The following IGF1R variants were observed in gnomAD, a reference collection of about 807,000 sequenced individuals.
The protein encoded by IGF1R is insulin like growth factor 1 receptor.
IGF1R carries 44 observed loss-of-function variants against 144.6 expected under a neutral mutation model. The ratio of observed to expected loss-of-function variants is 0.30; its 90% CI spans 0.24 to 0.39. IGF1R has a LOEUF of 0.39. IGF1R is among the 10% of genes least tolerant of loss of function. The pLI, the probability that IGF1R is intolerant of heterozygous loss-of-function variation, is 1.00. For synonymous variants in IGF1R, 795 were observed against 722.8 expected (o/e 1.10, Z -1.60); for missense variants, 1,355 against 1,833.7 (o/e 0.74, Z 4.77).
intron 2 of IGF1R, among the ~76,000 whole-genome samples, chr15:98,861,049 A>G (rs556751898): frequency 3.6e-5 from 5 of 139,476 alleles, no homozygotes; most frequent in African/African-American, 8.2e-5. Flanking sequence ...CCCTCCATCT[A>G]TGTCTCTGTC....
rs2016092832 is a variant in IGF1R, at chr15:98,935,135, T to C, written c.3186+82T>C. The C allele has an allele frequency of 8.1e-7, 1 of 1,235,458 alleles. No individual in the cohort carries two copies. Among genetic ancestry groups the C allele is most frequent in the South Asian group, 1.2e-5 (1 of 80,514 alleles). 76.5% of individuals were successfully genotyped at this position (1,235,458 alleles called of 1,614,324 possible). A position where few individuals can be genotyped will look rare whatever the true frequency, so the allele number is the denominator to read the frequency against. ...GCCTCCCAGTATGTTCTTGGCTGCA[T>C]GTACCCGTGGGTTTGGTGTCTTGCC... is the stretch of plus-strand genomic sequence containing the variant. On this transcript the variant is annotated intron_variant, in intron 16 of 20. Coordinates refer to ENST00000650285, the MANE Select transcript of IGF1R (RefSeq NM_000875.5). This position sits in a 1 kb window ranked among gnomAD's most constrained non-coding sequence, Gnocchi z 4.2.
At chr15:98,745,408 G>T (rs2054839503) in intron 2 of IGF1R, among the ~76,000 whole-genome samples, 1 of 152,204 alleles carries the variant, frequency 6.6e-6, no homozygotes, top group South Asian at 2.1e-4. Flanking sequence ...GAGGAAGCTG[G>T]GTGGTGCAGA....
At chr15:98,728,072 A>G (rs2054408459) in intron 2 of IGF1R, among the ~76,000 whole-genome samples, 1 of 150,788 alleles carries the variant, frequency 6.6e-6, no homozygotes, top group South Asian at 2.1e-4. Flanking sequence ...TGAAAGAACA[A>G]AGCTTCCACA....
intron 2 of IGF1R, among the ~76,000 whole-genome samples, chr15:98,757,734 T>TA (rs2055190216): frequency 6.6e-6 from 1 of 152,188 alleles, no homozygotes; most frequent in African/African-American, 2.4e-5. Flanking sequence ...GCTGGACTTT[T>TA]AAAACCCATT....
At chr15:98,770,342 G>C (rs1034942225) in intron 2 of IGF1R, among the ~76,000 whole-genome samples, 1 of 152,232 alleles carries the variant, frequency 6.6e-6, no homozygotes, top group Non-Finnish European at 1.5e-5. Context: ...ACTGGGAAAG[G>C]GGGCGATGAA....
intron 2 of IGF1R, among the ~76,000 whole-genome samples, chr15:98,753,268 G>T (rs376018935): frequency 6.7e-6 from 1 of 149,800 alleles, no homozygotes; most frequent in South Asian, 2.1e-4. Context: ...TCAGGCTGGC[G>T]TGCAGTGGCA....
chr15:98,904,256 G>A (rs113890705), intron 5 of IGF1R, among the ~76,000 whole-genome samples: 12,610 of 152,008 alleles, frequency 0.083, 622 homozygotes, highest in Middle Eastern at 0.13. Context: ...GTTTCACCAT[G>A]TTAGCCAGTA....
intron 2 of IGF1R, among the ~76,000 whole-genome samples, chr15:98,810,557 T>TTC (rs1255707201): frequency 1.2e-4 from 18 of 149,750 alleles, no homozygotes; most frequent in Admixed American, 1.2e-3. Flanking sequence ...TTCTTTTCTT[T>TTC]TTTTTTTTTT....
At chr15:98,656,034 C>G (rs1282102592) in intron 1 of IGF1R, among the ~76,000 whole-genome samples, 1 of 152,232 alleles carries the variant, frequency 6.6e-6, no homozygotes, top group East Asian at 1.9e-4. Flanking sequence ...TCTGTTTTCA[C>G]TGGACCACAA....
At chr15:98,712,987 AC>A (rs2054030704) in intron 2 of IGF1R, among the ~76,000 whole-genome samples, 1 of 150,922 alleles carries the variant, frequency 6.6e-6, no homozygotes, top group Non-Finnish European at 1.5e-5. Context: ...GGCATGTGGT[AC>A]AGTGTGAAGC....
chr15:98,774,650 G>T (rs535861990), intron 2 of IGF1R, among the ~76,000 whole-genome samples: 2 of 133,428 alleles, frequency 1.5e-5, no homozygotes, highest in Non-Finnish European at 3.1e-5. Flanking sequence ...TGGAGTAGTC[G>T]CATTCAGAGA....
chr15:98,682,792 C>T (rs543481050), intron 1 of IGF1R, among the ~76,000 whole-genome samples: 18 of 152,116 alleles, frequency 1.2e-4, no homozygotes, highest in Middle Eastern at 3.4e-3. Context: ...GTGATCCACC[C>T]GCCTCTGCCT....
intron 1 of IGF1R, among the ~76,000 whole-genome samples, chr15:98,661,608 G>A (rs748726317): frequency 1.3e-5 from 2 of 152,140 alleles, no homozygotes; most frequent in African/African-American, 2.4e-5. Flanking sequence ...GCTCTTCTCC[G>A]TGCGGTTTGC....
chr15:98,955,221 A>G (rs1187903556), intron 20 of IGF1R, among the ~76,000 whole-genome samples: 2 of 152,148 alleles, frequency 1.3e-5, no homozygotes, highest in Admixed American at 1.3e-4. Context: ...ATGGCATTCT[A>G]CCGTGGGGTA....
intron 2 of IGF1R, among the ~76,000 whole-genome samples, chr15:98,831,982 G>T (rs1410862385): frequency 6.6e-6 from 1 of 152,098 alleles, no homozygotes; most frequent in Non-Finnish European, 1.5e-5. Flanking sequence ...AGAGACAAAG[G>T]ATGAGGAAGG....
chr15:98,958,729 C>G lies in IGF1R; in HGVS notation c.*1287C>G, dbSNP rs1175634262. ...AAAAAAAGCTGCTATTTTTTTTGTT[C>G]TTGATCTTTGTGGATTTAATCTATG... On this transcript the variant is annotated 3_prime_UTR_variant, in exon 21 of 21. Transcript: ENST00000650285. The G allele has an allele frequency of 1.7e-5, 4 of 230,030 alleles. No homozygotes were observed. The highest frequency in any genetic ancestry group is 3.4e-5 in the Non-Finnish European group (4 of 116,522). 14.2% of individuals were successfully genotyped at this position (230,030 alleles called of 1,614,324 possible).
chr15:98,808,406 A>G (rs921971537), intron 2 of IGF1R, among the ~76,000 whole-genome samples: 2 of 152,196 alleles, frequency 1.3e-5, no homozygotes, highest in East Asian at 1.9e-4. Context: ...AATATTGGCT[A>G]TGTAGTGATT....
intron 1 of IGF1R, among the ~76,000 whole-genome samples, chr15:98,658,645 A>G (rs137857609): frequency 1.3e-5 from 2 of 152,170 alleles, no homozygotes; most frequent in African/African-American, 4.8e-5. Flanking sequence ...TGTGGTTTGA[A>G]TAGGTCAGAG....
In IGF1R at chr15:98,957,498, G is replaced by A. The variant is rs3825954; in HGVS notation, c.*56G>A. The A allele has an allele frequency of 3.7e-4, 600 of 1,603,384 alleles. No homozygotes were observed. The highest frequency in any genetic ancestry group is 4.8e-4 in the Admixed American group (29 of 59,818). ...ACGTGTGCGCACGCGCAGCGGGGTG[G>A]GGGGGGAGAGAGAGTTTTAACAATC... On this transcript the variant is annotated 3_prime_UTR_variant, in exon 21 of 21. Coordinates refer to ENST00000650285, the MANE Select transcript of IGF1R (RefSeq NM_000875.5).
Sources: gnomAD v4.1 joint callset for allele counts (sites outside exome capture counted in the v4.1 genomes callset) on GRCh38, gnomAD v4.1.1 for gene constraint, Gnocchi (gnomAD v3.1) non-coding constraint, MANE v1.5 for transcripts, NCBI Gene and HGNC (gene_info 2026-07-23, HGNC 2026-07-21) for gene names.